Variants in RBFOX1 observed in about 807,000 individuals in gnomAD.
The protein encoded by RBFOX1 is RNA binding protein fox-1 homolog 1.
In RBFOX1, 8 loss-of-function variants were observed where a neutral mutation model predicts 57.7. The ratio of observed to expected loss-of-function variants is 0.14; its 90% CI spans 0.08 to 0.25. The LOEUF (loss-of-function observed/expected upper bound fraction) is 0.25. Among genes scored for constraint, RBFOX1 ranks in the 10% least tolerant of loss-of-function variants. The pLI, the probability that RBFOX1 is intolerant of heterozygous loss-of-function variation, is 1.00. For missense variants in RBFOX1, 611 were observed against 548.5 expected (o/e 1.11, Z -1.14); for synonymous variants, 326 against 222.4 (o/e 1.47, Z -4.15).
At chr16:5,779,507 C>T (rs1177454856) in intron 3 of RBFOX1, among the ~76,000 whole-genome samples, 4 of 152,142 alleles carry the variant, frequency 2.6e-5, no homozygotes, top group African/African-American at 9.7e-5. Context: ...GGGGCCCAAG[C>T]TCTGTTTTAT....
intron 3 of RBFOX1, among the ~76,000 whole-genome samples, chr16:6,671,157 C>T (rs1364698043): frequency 6.6e-6 from 1 of 152,114 alleles, no homozygotes; most frequent in African/African-American, 2.4e-5. Flanking sequence ...CGAATGGAAA[C>T]AAAAGGACAC....
chr16:6,042,871 A>G (rs2095453152), intron 1 of RBFOX1, among the ~76,000 whole-genome samples: 1 of 152,166 alleles, frequency 6.6e-6, no homozygotes, highest in Non-Finnish European at 1.5e-5. Context: ...TTTCTGATTG[A>G]CAGTTGATTG....
At chr16:6,225,560 C>T (rs907425232) in intron 1 of RBFOX1, among the ~76,000 whole-genome samples, 1 of 152,142 alleles carries the variant, frequency 6.6e-6, no homozygotes, top group East Asian at 1.9e-4. Flanking sequence ...AAAGTATTCA[C>T]CTTTTGCAAA....
intron 1 of RBFOX1, among the ~76,000 whole-genome samples, chr16:6,279,356 AC>A (rs1462226428): frequency 6.6e-6 from 1 of 151,836 alleles, no homozygotes; most frequent in Non-Finnish European, 1.5e-5. Flanking sequence ...GGTGGTGAAA[AC>A]CCTTTCTGCC....
intron 4 of RBFOX1, among the ~76,000 whole-genome samples, chr16:5,931,513 C>A (rs377384101): frequency 1.3e-5 from 2 of 152,100 alleles, no homozygotes; most frequent in African/African-American, 4.8e-5. Flanking sequence ...AGATGCCCAC[C>A]GTAGCCCTGC....
intron 1 of RBFOX1, among the ~76,000 whole-genome samples, chr16:5,422,798 AAAG>A (rs1232152871): frequency 8.9e-5 from 11 of 123,574 alleles, no homozygotes; most frequent in Non-Finnish European, 1.7e-4. Flanking sequence ...GAGTGGGAAG[AAAG>A]AGGAGGAGGA....
At chr16:5,709,739 A>G (rs1329211016) in intron 3 of RBFOX1, among the ~76,000 whole-genome samples, 2 of 138,510 alleles carry the variant, frequency 1.4e-5, no homozygotes, top group South Asian at 2.3e-4. Flanking sequence ...AGTTCATTCA[A>G]TGAGATCTTT....
At chr16:6,257,759 C>CT (rs2097677297) in intron 1 of RBFOX1, among the ~76,000 whole-genome samples, 1 of 152,084 alleles carries the variant, frequency 6.6e-6, no homozygotes, top group Non-Finnish European at 1.5e-5. Context: ...TGATCATGTT[C>CT]TTTTTTATGG....
At chr16:6,626,169 A>C (rs1472683036) in intron 2 of RBFOX1, among the ~76,000 whole-genome samples, 1 of 144,546 alleles carries the variant, frequency 6.9e-6, no homozygotes, top group East Asian at 2.0e-4. Flanking sequence ...CAAATTGCAT[A>C]GTTGGTTCTG....
At chr16:6,566,531 C>T (rs1412411289) in intron 2 of RBFOX1, among the ~76,000 whole-genome samples, 1 of 152,122 alleles carries the variant, frequency 6.6e-6, no homozygotes, top group Non-Finnish European at 1.5e-5. Flanking sequence ...GGTTTCAAAC[C>T]ATAGGCTGCT....
At chr16:7,035,272 C>T (rs543338482) in intron 3 of RBFOX1, among the ~76,000 whole-genome samples, 1 of 152,196 alleles carries the variant, frequency 6.6e-6, no homozygotes, top group African/African-American at 2.4e-5. Context: ...ATTCCGCACC[C>T]TCCCCTTCAT....
At chr16:6,779,423 G>T (rs941352043) in intron 3 of RBFOX1, among the ~76,000 whole-genome samples, 1 of 151,746 alleles carries the variant, frequency 6.6e-6, no homozygotes, top group Non-Finnish European at 1.5e-5. Flanking sequence ...TACATTGGTG[G>T]ACACTCAGGT....
At chr16:6,473,099 C>T (rs1055335590) in intron 2 of RBFOX1, among the ~76,000 whole-genome samples, 9 of 152,218 alleles carry the variant, frequency 5.9e-5, no homozygotes, top group East Asian at 1.9e-4. Context: ...GTCTTCTGCC[C>T]GGGGACCCCA....
chr16:5,853,715 G>T (rs1204997071), intron 3 of RBFOX1, among the ~76,000 whole-genome samples: 1 of 152,310 alleles, frequency 6.6e-6, no homozygotes, highest in African/African-American at 2.4e-5. Flanking sequence ...GGGATAGAGA[G>T]GCAGGGTGGT....
chr16:7,433,744 A>G (rs775085822), intron 4 of RBFOX1, among the ~76,000 whole-genome samples: 1 of 152,158 alleles, frequency 6.6e-6, no homozygotes, highest in Non-Finnish European at 1.5e-5. Flanking sequence ...CCAACCACCC[A>G]TCCATCTAAT....
rs2065644807 is a variant in RBFOX1, at chr16:7,653,783, G to T, written c.758-32G>T. On this transcript the variant is annotated intron_variant, in intron 11 of 15. Transcript: ENST00000550418. ...GCAGGGTGTGCATCTGACAGCCTGTGCTCTCTCTCTCTCTCTCCTCTTGCC... is the reference window on the plus strand; with the variant it reads ...GCAGGGTGTGCATCTGACAGCCTGTTCTCTCTCTCTCTCTCTCCTCTTGCC... 5.3e-6 allele frequency: 8 copies of T among 1,511,740 alleles called. No individual in the cohort carries two copies. In the African/African-American group the frequency reaches 5.5e-5, roughly 10 times the overall value. 93.6% of individuals were successfully genotyped at this position (1,511,740 alleles called of 1,614,324 possible).
At chr16:5,424,877 T>TTTTTCTC (rs2067474621) in intron 1 of RBFOX1, among the ~76,000 whole-genome samples, 1 of 10,942 alleles carries the variant, frequency 9.1e-5, no homozygotes, top group Admixed American at 9.8e-4. Flanking sequence ...TTTCTTTTTT[T>TTTTTCTC]TCTTTCTTTC....
chr16:5,673,561 G>C (rs1463231014), intron 3 of RBFOX1, among the ~76,000 whole-genome samples: 3 of 152,172 alleles, frequency 2.0e-5, no homozygotes, highest in South Asian at 2.1e-4. Flanking sequence ...GGCCAGACCT[G>C]GTTGTTCCGT....
At chr16:5,822,019 C>T (rs1051794956) in intron 3 of RBFOX1, among the ~76,000 whole-genome samples, 2 of 152,158 alleles carry the variant, frequency 1.3e-5, no homozygotes, top group Non-Finnish European at 2.9e-5. Flanking sequence ...GAACACTTAA[C>T]GTAAGATCTA....
Sources: allele counts gnomAD v4.1 joint callset (sites outside exome capture counted in the v4.1 genomes callset), GRCh38; gene constraint gnomAD v4.1.1; transcripts MANE v1.5; gene names NCBI Gene and HGNC (gene_info 2026-07-23, HGNC 2026-07-21).